MICAL2: variants seen among roughly 807,000 people sequenced by gnomAD.
The protein encoded by MICAL2 is microtubule associated monooxygenase, calponin and LIM domain containing 2.
In MICAL2, 77 loss-of-function variants were observed where a neutral mutation model predicts 127.3. That is an observed-to-expected ratio of 0.60 (90% CI 0.50 to 0.73). MICAL2 has a LOEUF of 0.73. MICAL2 is among the 30% of genes least tolerant of loss of function. MICAL2 has a pLI of 0.00. For missense variants in MICAL2, 1,351 were observed against 1,434.4 expected, an observed-to-expected ratio of 0.94 and a Z score of 0.94; for synonymous variants, 570 against 551.1, an observed-to-expected ratio of 1.03 and a Z score of -0.48.
intron 2 of MICAL2, among the ~76,000 whole-genome samples, chr11:12,157,047 G>A (rs1330704749): frequency 6.6e-6 from 1 of 152,216 alleles, no homozygotes; most frequent in African/African-American, 2.4e-5. Flanking sequence ...TTTTGTCTGT[G>A]AGCCTCAAGG....
chr11:12,259,688 CT>C, intron 25 of MICAL2, 106 bp from the exon 26 acceptor site: 1 of 987,452 alleles, frequency 1.0e-6, no homozygotes, highest in Non-Finnish European at 1.4e-6. Context: ...ATTGTGGGGG[CT>C]GGTTGCAGGG....
chr11:12,200,938 C>T (rs1264072749), intron 3 of MICAL2, among the ~76,000 whole-genome samples: 1 of 152,084 alleles, frequency 6.6e-6, no homozygotes, highest in Non-Finnish European at 1.5e-5. Context: ...TCCTTCTACC[C>T]CTGCTCCAAA....
chr11:12,324,038 CAAG>C, exon 31 of MICAL2: 2 of 1,613,134 alleles, frequency 1.2e-6, no homozygotes, highest in Non-Finnish European at 1.7e-6. Flanking sequence ...GTTGGTTAAG[CAAG>C]AAGAATTGAA....
At chr11:12,247,893 C>T (rs912212221) in intron 21 of MICAL2, among the ~76,000 whole-genome samples, 3 of 152,170 alleles carry the variant, frequency 2.0e-5, no homozygotes, top group African/African-American at 7.2e-5. Flanking sequence ...GCTCAATGGA[C>T]CCAAGTTCAC....
chr11:12,225,000 T>C (rs1857242545), intron 13 of MICAL2, among the ~76,000 whole-genome samples, 180 bp downstream of exon 13: 1 of 152,226 alleles, frequency 6.6e-6, no homozygotes, highest in South Asian at 2.1e-4. Flanking sequence ...GTTTGATCTG[T>C]GTTCCTAATA....
chr11:12,335,578 T>C (rs1472098279), intron 32 of MICAL2, among the ~76,000 whole-genome samples: 1 of 152,204 alleles, frequency 6.6e-6, no homozygotes, highest in Non-Finnish European at 1.5e-5. Context: ...AGGGTTTTTA[T>C]GGTTTTAGGT....
rs1274325048 is a variant in MICAL2 at position 12,244,559 on chromosome 11, CTATT to C, written c.2784+448_2784+451del. 1.4e-4 allele frequency among the ~76,000 whole-genome samples: 21 copies of C among 152,304 alleles called. No individual in the cohort carries two copies. In the South Asian group the frequency reaches 1.7e-3, roughly 12 times the overall value. Reference sequence around the variant, plus strand: ...TTCACATGATAAACTTAACGTAACACTATTCATTCATTCTATAAGAGGTTTAAAG... The same window carrying C: ...TTCACATGATAAACTTAACGTAACACCATTCATTCTATAAGAGGTTTAAAG... On this transcript the variant is annotated intron_variant, in intron 21 of 27. Coordinates refer to ENST00000683283, the MANE Select transcript of MICAL2 (RefSeq NM_001282663.2).
chr11:12,221,463 T>C (rs1466558408), intron 9 of MICAL2, among the ~76,000 whole-genome samples, 181 bp from the exon 10 acceptor site: 1 of 152,240 alleles, frequency 6.6e-6, no homozygotes, highest in Non-Finnish European at 1.5e-5. Flanking sequence ...ACATTTAACC[T>C]TCTGCTATAG....
At chr11:12,204,925 T>C (rs1468952419) in intron 4 of MICAL2, among the ~76,000 whole-genome samples, 1 of 152,164 alleles carries the variant, frequency 6.6e-6, no homozygotes, top group Non-Finnish European at 1.5e-5. Flanking sequence ...GGCCAGATAG[T>C]CAAGACCTTC....
chr11:12,119,211 G>C (rs1203098578), intron 1 of MICAL2, among the ~76,000 whole-genome samples: 1 of 152,180 alleles, frequency 6.6e-6, no homozygotes, highest in African/African-American at 2.4e-5. Flanking sequence ...GCTGTGGGCT[G>C]TTTATGGCTG....
chr11:12,189,531 T>C (rs2134008984), intron 3 of MICAL2, among the ~76,000 whole-genome samples: 2 of 152,356 alleles, frequency 1.3e-5, no homozygotes. Flanking sequence ...CCAAATGCCC[T>C]ATTTCCCTTT....
downstream of MICAL2, chr11:12,294,888 C>A: frequency 1.4e-6 from 2 of 1,433,470 alleles, no homozygotes; most frequent in Non-Finnish European, 1.8e-6. Flanking sequence ...AAATGTCTGC[C>A]CTTCATGCTG....
intron 27 of MICAL2, 62 bp downstream of exon 27, chr11:12,262,599 C>A: frequency 7.4e-7 from 1 of 1,355,224 alleles, no homozygotes; most frequent in Non-Finnish European, 1.1e-6. Context: ...CTTTCCGCAC[C>A]CCGTCCTCTC....
chr11:12,230,351 C>G (rs1331960065), intron 15 of MICAL2, among the ~76,000 whole-genome samples: 1 of 152,152 alleles, frequency 6.6e-6, no homozygotes, highest in African/African-American at 2.4e-5. Flanking sequence ...CATAAAGGCT[C>G]CCTCACATTT....
chr11:12,283,432 A>G (rs1372719235), intron 2 of MICAL2, among the ~76,000 whole-genome samples: 1 of 152,204 alleles, frequency 6.6e-6, no homozygotes, highest in Non-Finnish European at 1.5e-5. Flanking sequence ...AAACAAATCA[A>G]ATGTTCAACA....
intron 8 of MICAL2, among the ~76,000 whole-genome samples, chr11:12,218,452 C>T (rs538008344): frequency 6.6e-6 from 1 of 152,316 alleles, no homozygotes; most frequent in Non-Finnish European, 1.5e-5. Flanking sequence ...TTGCTAGGTC[C>T]CCACTCTCCT....
chr11:12,248,597 C>T (rs1435527910), intron 21 of MICAL2, among the ~76,000 whole-genome samples: 4 of 152,226 alleles, frequency 2.6e-5, no homozygotes, highest in Non-Finnish European at 5.9e-5. Flanking sequence ...CCTCCAGGGT[C>T]AGAAGAGCAC....
intron 29 of MICAL2, among the ~76,000 whole-genome samples, chr11:12,318,482 G>C (rs1864256114): frequency 6.6e-6 from 1 of 152,162 alleles, no homozygotes; most frequent in African/African-American, 2.4e-5. Flanking sequence ...TGCTCCTGGA[G>C]GCTAAAGCAC....
At chr11:12,300,034 A>G (rs1864029415) in intron 29 of MICAL2, among the ~76,000 whole-genome samples, 1 of 152,074 alleles carries the variant, frequency 6.6e-6, no homozygotes, top group Non-Finnish European at 1.5e-5. Flanking sequence ...GTGGCTCACA[A>G]ATGTAATCCC....
Sources: gnomAD v4.1 joint callset for allele counts (sites outside exome capture counted in the v4.1 genomes callset) on GRCh38, gnomAD v4.1.1 for gene constraint, MANE v1.5 for transcripts, NCBI Gene and HGNC (gene_info 2026-07-23, HGNC 2026-07-21) for gene names.